The following VPS13B variants were observed in gnomAD, a reference collection of about 807,000 sequenced individuals.
The protein encoded by VPS13B is vacuolar protein sorting 13 homolog B.
A neutral mutation model predicts 426.4 loss-of-function variants in VPS13B; 285 were observed. That is an observed-to-expected ratio of 0.67 (90% CI 0.61 to 0.74). VPS13B has a LOEUF of 0.74. Among genes scored for constraint, VPS13B ranks in the 30% least tolerant of loss-of-function variants. The probability of loss-of-function intolerance (pLI) is 0.00; values close to 1 mark genes in which losing one functional copy is unlikely to be tolerated. For missense variants in VPS13B, 4,537 were observed against 4,782.6 expected, an observed-to-expected ratio of 0.95 and a Z score of 1.51; for synonymous variants, 1,676 against 1,676.4, an observed-to-expected ratio of 1.00 and a Z score of 0.01.
At chr8:99,677,000 C>T (rs979169081) in intron 35 of VPS13B, among the ~76,000 whole-genome samples, 5 of 152,144 alleles carry the variant, frequency 3.3e-5, no homozygotes, top group Admixed American at 3.3e-4. Flanking sequence ...CCTGTAATAC[C>T]AGCTACTTGG....
chr8:99,777,094 G>A, intron 41 of VPS13B, 138 bp downstream of exon 41: 1 of 1,105,454 alleles, frequency 9.0e-7, no homozygotes, highest in Non-Finnish European at 1.4e-6. Flanking sequence ...AAGTTATCCT[G>A]GGGTTGACTT....
At chr8:99,865,579 TACC>T (rs1370810168) in intron 58 of VPS13B, among the ~76,000 whole-genome samples, 4 of 152,324 alleles carry the variant, frequency 2.6e-5, no homozygotes, top group Admixed American at 6.5e-5. Flanking sequence ...ATCCCTCCAA[TACC>T]ACCATCTGCC....
At chr8:99,651,883 A>T (rs1030335883) in intron 34 of VPS13B, among the ~76,000 whole-genome samples, 8 of 152,158 alleles carry the variant, frequency 5.3e-5, no homozygotes, top group Non-Finnish European at 1.2e-4. Context: ...TCCTTAGTGC[A>T]ATATCTTGTT....
At chr8:99,207,070 G>A (rs1814771428) in intron 17 of VPS13B, among the ~76,000 whole-genome samples, 1 of 152,084 alleles carries the variant, frequency 6.6e-6, no homozygotes, top group African/African-American at 2.4e-5. Flanking sequence ...GTTTTAAGGT[G>A]TCCCTATATG....
chr8:99,259,991 G>A (rs1817959654), intron 17 of VPS13B, among the ~76,000 whole-genome samples: 1 of 151,946 alleles, frequency 6.6e-6, no homozygotes, highest in East Asian at 1.9e-4. Flanking sequence ...AGAAGTAAAA[G>A]ATGGAATTCA....
chr8:99,815,202 G>A (rs1045400494), intron 44 of VPS13B, among the ~76,000 whole-genome samples: 1 of 151,986 alleles, frequency 6.6e-6, no homozygotes, highest in Non-Finnish European at 1.5e-5. Flanking sequence ...TCTTAGAGAA[G>A]TCCCAAGATC....
At chr8:99,717,076 G>A (rs1019902402) in intron 36 of VPS13B, 95 bp from the exon 37 acceptor site, 25 of 1,239,658 alleles carry the variant, frequency 2.0e-5, no homozygotes, top group Admixed American at 1.0e-4. Context: ...TCTGACAAAG[G>A]ATGAATTAAT....
At position 99,481,742 on chromosome 8, in the gene VPS13B, C is replaced by G; in HGVS notation, c.3810C>G (p.Gly1270=). ...CTTCTCCAGTTAGAAGCAGTATAGG[C>G]ACAGCTCCTCCAGATACCAGCACAT... The part of the protein sequence containing the change: ...VPTSPVRSSI[G]TAPPDTSTCS... Residue 1270 remains glycine (G), a synonymous_variant, in exon 25 of 62, where the codon GGC becomes GGG. Transcript: ENST00000357162. The G allele has an allele frequency of 6.2e-7, 1 of 1,613,972 alleles. No individual in the cohort carries two copies.
intron 3 of VPS13B, among the ~76,000 whole-genome samples, chr8:99,082,247 G>A (rs1018616347): frequency 3.3e-5 from 5 of 152,188 alleles, no homozygotes; most frequent in Non-Finnish European, 1.5e-5. Context: ...TCTTTTGGCT[G>A]CATAAATGTC....
At chr8:99,100,192 C>T (rs907483328) in intron 4 of VPS13B, among the ~76,000 whole-genome samples, 1 of 152,124 alleles carries the variant, frequency 6.6e-6, no homozygotes, top group Non-Finnish European at 1.5e-5. Flanking sequence ...TAGTCTTCTA[C>T]AGAAGTAGTT....
At chr8:99,488,858 C>G (rs578144574) in intron 25 of VPS13B, among the ~76,000 whole-genome samples, 1 of 152,248 alleles carries the variant, frequency 6.6e-6, no homozygotes, top group East Asian at 1.9e-4. Flanking sequence ...ATGAGAGTTT[C>G]TTTTGCTGTG....
chr8:99,349,332 C>CAAA (rs35441676), intron 19 of VPS13B, among the ~76,000 whole-genome samples: 31,676 of 47,598 alleles, frequency 0.67, 11,474 homozygotes, highest in Middle Eastern at 0.79. Flanking sequence ...GACTCCGTCT[C>CAAA]AAAAAAAAAA....
At chr8:99,496,117 A>G (rs1820868682) in intron 25 of VPS13B, among the ~76,000 whole-genome samples, 1 of 152,102 alleles carries the variant, frequency 6.6e-6, no homozygotes, top group Non-Finnish European at 1.5e-5. Context: ...TAGAAGGGAG[A>G]GCAAAATTTG....
At chr8:99,663,156 A>C (rs1483834606) in intron 35 of VPS13B, among the ~76,000 whole-genome samples, 1 of 152,218 alleles carries the variant, frequency 6.6e-6, no homozygotes, top group Non-Finnish European at 1.5e-5. Flanking sequence ...AAAAATATTT[A>C]TATATAGACT....
intron 3 of VPS13B, 24 bp downstream of exon 3, chr8:99,038,590 G>T: frequency 6.6e-7 from 1 of 1,516,540 alleles, no homozygotes. Flanking sequence ...GAACCAAGTT[G>T]TTTATGTTAA....
chr8:99,618,246 G>A (rs1160595134), intron 33 of VPS13B, among the ~76,000 whole-genome samples: 2 of 142,280 alleles, frequency 1.4e-5, no homozygotes, highest in Non-Finnish European at 3.0e-5. Context: ...TACTATTAAT[G>A]TATTTCCTTT....
chr8:99,812,933 A>G (rs920912939), intron 44 of VPS13B, among the ~76,000 whole-genome samples: 4 of 152,196 alleles, frequency 2.6e-5, no homozygotes, highest in Non-Finnish European at 5.9e-5. Flanking sequence ...GCTTTGGGGA[A>G]GGAGGGGAAT....
intron 2 of VPS13B, among the ~76,000 whole-genome samples, chr8:99,024,063 TTTTG>T (rs369347110): frequency 1.1e-4 from 17 of 152,294 alleles, no homozygotes; most frequent in Middle Eastern, 6.8e-3. Flanking sequence ...CTCAGCAGTA[TTTTG>T]TTTGTTTGTT....
intron 33 of VPS13B, among the ~76,000 whole-genome samples, chr8:99,599,243 C>T (rs1235026607): frequency 2.0e-5 from 3 of 151,936 alleles, no homozygotes; most frequent in Admixed American, 2.0e-4. Flanking sequence ...TAATATCTGC[C>T]TTCCTGTCTC....
Sources: allele counts gnomAD v4.1 joint callset (sites outside exome capture counted in the v4.1 genomes callset), GRCh38; gene constraint gnomAD v4.1.1; transcripts MANE v1.5; gene names NCBI Gene and HGNC (gene_info 2026-07-23, HGNC 2026-07-21).